Variants in TUBGCP6 observed in about 807,000 individuals in gnomAD.
TUBGCP6 encodes gamma-tubulin complex component 6.
TUBGCP6 carries 161 observed loss-of-function variants against 175.8 expected under a neutral mutation model. The observed-to-expected ratio is 0.92, with a 90% CI of 0.81 to 1.04. The LOEUF (loss-of-function observed/expected upper bound fraction) is 1.04, where lower values mean the gene tolerates loss of function less well. Among genes scored for constraint, TUBGCP6 ranks in the 50% least tolerant of loss-of-function variants. TUBGCP6 has a pLI of 0.00. For synonymous variants in TUBGCP6, 1,173 were observed against 1,030.5 expected (o/e 1.14, Z -2.65); for missense variants, 2,572 against 2,433.0 (o/e 1.06, Z -1.20).
At chr22:50,226,515 G>C in intron 7 of TUBGCP6, 137 bp from the exon 8 acceptor site, 1 of 755,454 alleles carries the variant, frequency 1.3e-6, no homozygotes, top group Non-Finnish European at 2.2e-6. Context: ...GTGGAGTGGG[G>C]TGTGGCCATC....
At position 50,225,907 on chromosome 22, in the gene TUBGCP6, T is replaced by A. The variant is rs750360557; in HGVS notation, c.1870A>T (p.Ile624Phe). 1 of 1,613,140 alleles carries A rather than the reference T, an allele frequency of 6.2e-7. No individual in the cohort carries two copies. The highest frequency in any genetic ancestry group is 8.5e-7 in the Non-Finnish European group (1 of 1,179,826). ...TCCTCAAGGGAGAAAATCACCGAGA[T>A]CCGGGGGACAGGGACGTCGGACCAA... is the stretch of plus-strand genomic sequence containing the variant. ...LCWSDVPVPR[I>F]SVIFSLEELK... is the part of the protein sequence containing the mutation. Residue 624 changes from isoleucine (I) to phenylalanine (F), a missense_variant, in exon 10 of 25, where the codon ATC becomes TTC. Ile to Phe is a conservative substitution (Grantham distance 21, BLOSUM62 0). Transcript: ENST00000248846.
Position 50,243,793 on chromosome 22 carries a change from T to C in TUBGCP6, c.667A>G (p.Thr223Ala). The change falls in exon 1 of 25, where the codon ACT (threonine) becomes GCT (alanine). Residue 223 changes from threonine (T) to alanine (A), a missense_variant. Coordinates refer to ENST00000248846, the MANE Select transcript of TUBGCP6 (RefSeq NM_020461.4). ...CCCAGTCGGACGTCCATGTCATAAG[T>C]GCGGCTGTGCACAAGGGCCCCGAAG... ...SLFGALVHSR[T>A]YDMDVRLGLP... The C allele has an allele frequency of 6.2e-7, 1 of 1,613,394 alleles. No individual in the cohort carries two copies. Among genetic ancestry groups the C allele is most frequent in the Non-Finnish European group, 8.5e-7 (1 of 1,179,962 alleles).
intron 13 of TUBGCP6, 50 bp downstream of exon 13, chr22:50,224,091 G>A (rs772584794): frequency 6.5e-7 from 1 of 1,543,886 alleles, no homozygotes; most frequent in South Asian, 1.1e-5. Context: ...CCAGAGCTAT[G>A]GGGCCCCTGC....
intron 2 of TUBGCP6, among the ~76,000 whole-genome samples, chr22:50,234,901 TGTCCACAGCAGC>T (rs2064749803): frequency 1.7e-5 from 2 of 119,518 alleles, no homozygotes; most frequent in African/African-American, 6.8e-5. Context: ...TCCACACCCC[TGTCCACAGCAGC>T]ATCCACACCC....
chr22:50,243,634 AG>A lies in TUBGCP6; in HGVS notation c.741+84del, dbSNP rs200968480. On this transcript the variant is annotated intron_variant, in intron 1 of 24. Coordinates refer to ENST00000248846, the MANE Select transcript of TUBGCP6 (RefSeq NM_020461.4). Reference sequence around the variant, plus strand: ...CACTGTCTCAAAAAAAAAAAAAAAAAGAAGAAGAAGAAGAAGAAGAAAGGTC... The same window carrying A: ...CACTGTCTCAAAAAAAAAAAAAAAAAAAGAAGAAGAAGAAGAAGAAAGGTC... 3,336 of 778,112 alleles carry A rather than the reference AG, an allele frequency of 4.3e-3. 4 individuals carry two copies. Among genetic ancestry groups the A allele is most frequent in the South Asian group, 6.0e-3 (238 of 39,884 alleles). The allele number at this position is 778,112 out of a possible 1,614,324, so 48.2% of individuals were successfully genotyped here. A position where few individuals can be genotyped will look rare whatever the true frequency, so the allele number is the denominator to read the frequency against.
intron 13 of TUBGCP6, 100 bp from the exon 14 acceptor site, chr22:50,222,692 A>G: frequency 6.6e-7 from 1 of 1,521,944 alleles, no homozygotes; most frequent in African/African-American, 1.4e-5. Flanking sequence ...CAGAGGCCCC[A>G]GTGGGCCCCC....
rs142261025 is a variant in TUBGCP6 at position 50,219,738 on chromosome 22, C to T, written c.4221G>A (p.Ser1407=). 320 of 1,613,806 alleles carry T rather than the reference C, an allele frequency of 2.0e-4. No homozygotes were observed. Among genetic ancestry groups the T allele is most frequent in the Middle Eastern group, 3.3e-4 (2 of 6,062 alleles). The change falls in exon 18 of 25, where the codon TCG becomes TCA. Residue 1407 remains serine (S), a synonymous_variant. Coordinates refer to ENST00000248846, the MANE Select transcript of TUBGCP6 (RefSeq NM_020461.4). The part of the protein sequence containing the change: ...SPGRGEEAEA[S]AAEAQGGEQA... ...GCTCCCCACCCTGAGCCTCCGCCGC[C>T]GATGCCTCCGCCTCCTCACCACGGC...
chr22:50,218,957 G>C lies in TUBGCP6; in HGVS notation c.4627-60C>G, dbSNP rs2064466276. On this transcript the variant is annotated intron_variant, in intron 20 of 24. Coordinates refer to ENST00000248846, the MANE Select transcript of TUBGCP6 (RefSeq NM_020461.4). ...CCAAGCACATGCCTGGCACTCGCCG[G>C]CACCCCATGGGGCTGTGCCAGAGCA... 8.8e-6 allele frequency: 14 copies of C among 1,584,452 alleles called. No individual in the cohort carries two copies. In the South Asian group the frequency reaches 1.3e-4, roughly 14 times the overall value.
chr22:50,217,818 T>C lies in TUBGCP6; in HGVS notation c.5378A>G (p.Lys1793Arg), dbSNP rs199976800. The C allele has an allele frequency of 6.2e-7, 1 of 1,613,858 alleles. No individual in the cohort carries two copies. Among genetic ancestry groups the C allele is most frequent in the Non-Finnish European group, 8.5e-7 (1 of 1,179,974 alleles). Residue 1793 changes from lysine to arginine, a missense_variant, in exon 25 of 25, where the codon AAG becomes AGG. Coordinates refer to ENST00000248846, the MANE Select transcript of TUBGCP6 (RefSeq NM_020461.4). ...GGGCTGGTAGCCGCGGTTCACCAGC[T>C]TGGTCACCACTGGGGACCAGCGAGC... ...YSHFLFKVVT[K>R]LVNRGYQPHL... is the part of the protein sequence containing the mutation.
rs1033882807 is a variant in TUBGCP6, at chr22:50,244,426, A to G, written c.34T>C (p.Cys12Arg). 1 of 1,612,672 alleles carries G rather than the reference A, an allele frequency of 6.2e-7. No individual in the cohort carries two copies. Among genetic ancestry groups the G allele is most frequent in the Non-Finnish European group, 8.5e-7 (1 of 1,179,888 alleles). Residue 12 changes from cysteine (C) to arginine (R), a missense_variant, in exon 1 of 25, where the codon TGT (cysteine) becomes CGT (arginine). Transcript: ENST00000248846. ...TTGGCAGCCGGCAGGAGGGCCTCACACAGGTCGTCGAACAGCTGCGTGATG... is the reference window on the plus strand; with the variant it reads ...TTGGCAGCCGGCAGGAGGGCCTCACGCAGGTCGTCGAACAGCTGCGTGATG... ...ASITQLFDDL[C>R]EALLPAAKTH... is the part of the protein sequence containing the mutation.
rs949733579 is a variant in TUBGCP6 at position 50,244,327 on chromosome 22, G to C, written c.133C>G (p.Leu45Val). The change falls in exon 1 of 25, where the codon CTT becomes GTT. Residue 45 changes from leucine (L) to valine (V), a missense_variant. Physicochemically the swap from Leu to Val is conservative, Grantham distance 32 (BLOSUM62 1). Transcript: ENST00000248846. ...TCATCTTGAAAAAGATTTGTGAAAA[G>C]AGCATTGTAGGCCACCTTCTTGAGG... ...RSLKKVAYNALFTNLFQDETQ... is the reference protein window; with the variant it reads ...RSLKKVAYNAVFTNLFQDETQ... 1.2e-5 allele frequency: 19 copies of C among 1,613,494 alleles called. No individual in the cohort carries two copies. Among genetic ancestry groups the C allele is most frequent in the African/African-American group, 1.3e-5 (1 of 74,944 alleles).
At chr22:50,241,983 C>CAAAA (rs55647714) in intron 1 of TUBGCP6, among the ~76,000 whole-genome samples, 6,283 of 92,020 alleles carry the variant, frequency 0.068, 1,067 homozygotes, top group East Asian at 0.086. Context: ...GACTCCATCT[C>CAAAA]AAAAAAAAAA....
At position 50,221,269 on chromosome 22, in the gene TUBGCP6, T is replaced by G. The variant is rs368098807; in HGVS notation, c.3090A>C (p.Ser1030=). 5 of 1,613,886 alleles carry G rather than the reference T, an allele frequency of 3.1e-6. No individual in the cohort carries two copies. The South Asian group carries it at 5.5e-5, about 18-fold the overall frequency. ...QPTERLFGQV[S]GGGLPTGDYA... ...AGTCCCCTGTGGGAAGACCACCCCC[T>G]GACACCTGCCCAAAGAGCCGCTCTG... is the stretch of plus-strand genomic sequence containing the variant. The change falls in exon 16 of 25, where the codon TCA becomes TCC. Residue 1030 remains serine, a synonymous_variant. Coordinates refer to ENST00000248846, the MANE Select transcript of TUBGCP6 (RefSeq NM_020461.4).
chr22:50,235,372 G>T (rs1217751362), intron 2 of TUBGCP6, among the ~76,000 whole-genome samples: 1 of 149,884 alleles, frequency 6.7e-6, no homozygotes, highest in Non-Finnish European at 1.5e-5. Flanking sequence ...CAACAGCCAG[G>T]GGGAGAGGAG....
chr22:50,225,583 C>CACCCACCCTTCATCTCAACTCCCCG, intron 10 of TUBGCP6, among the ~76,000 whole-genome samples: 1 of 96,198 alleles, frequency 1.0e-5, no homozygotes, highest in Non-Finnish European at 2.3e-5. Flanking sequence ...TCAGCTCCCC[C>CACCCACCCTTCATCTCAACTCCCCG]TTGGCACCCA....
intron 8 of TUBGCP6, 24 bp from the exon 9 acceptor site, chr22:50,226,213 T>C (rs1187989601): frequency 1.2e-6 from 2 of 1,613,944 alleles, no homozygotes; most frequent in East Asian, 2.2e-5. Context: ...AACACCACGG[T>C]GGCCGGCATG....
chr22:50,222,639 C>G, intron 13 of TUBGCP6, 47 bp from the exon 14 acceptor site: 1 of 1,597,588 alleles, frequency 6.3e-7, no homozygotes, highest in South Asian at 1.1e-5. Flanking sequence ...GTCACCCCAC[C>G]CCATCTACCT....
chr22:50,231,958 C>A (rs1428363892), intron 3 of TUBGCP6, among the ~76,000 whole-genome samples: 1 of 151,150 alleles, frequency 6.6e-6, no homozygotes, highest in African/African-American at 2.4e-5. Context: ...TGGCGGCTCA[C>A]ACTTGCAATC....
At chr22:50,237,865 G>A (rs1349140056) in intron 2 of TUBGCP6, among the ~76,000 whole-genome samples, 2 of 152,212 alleles carry the variant, frequency 1.3e-5, no homozygotes, top group East Asian at 1.9e-4. Context: ...GCTCATGCCT[G>A]TAATCCCAGC....
Sources: gnomAD v4.1 joint callset for allele counts (sites outside exome capture counted in the v4.1 genomes callset) on GRCh38, gnomAD v4.1.1 for gene constraint, MANE v1.5 for transcripts, NCBI Gene and HGNC (gene_info 2026-07-23, HGNC 2026-07-21) for gene names.